KIAA0825: variants seen among roughly 807,000 people sequenced by gnomAD.
KIAA0825 encodes the protein uncharacterized protein KIAA0825.
In KIAA0825, 119 loss-of-function variants were observed where a neutral mutation model predicts 147.6. The observed-to-expected ratio is 0.81, with a 90% CI of 0.69 to 0.94. The LOEUF (loss-of-function observed/expected upper bound fraction) is 0.94. KIAA0825 is among the 40% of genes least tolerant of loss of function. KIAA0825 has a pLI of 0.00. For synonymous variants in KIAA0825, 470 were observed against 518.1 expected, an observed-to-expected ratio of 0.91 and a Z score of 1.26; for missense variants, 1,381 against 1,472.7, an observed-to-expected ratio of 0.94 and a Z score of 1.02.
chr5:94,166,834 T>A (rs986452332), intron 20 of KIAA0825, among the ~76,000 whole-genome samples: 4 of 152,052 alleles, frequency 2.6e-5, no homozygotes, highest in African/African-American at 9.7e-5. Context: ...GCAGTATAAC[T>A]TTTTTTGAGT....
intron 20 of KIAA0825, among the ~76,000 whole-genome samples, chr5:94,162,201 T>C (rs1353095105): frequency 6.6e-6 from 1 of 152,198 alleles, no homozygotes; most frequent in Non-Finnish European, 1.5e-5. Flanking sequence ...ATGATAAGGA[T>C]AGAGAAGGGT....
chr5:94,545,393 C>G (rs962190776), intron 2 of KIAA0825, among the ~76,000 whole-genome samples: 1 of 152,072 alleles, frequency 6.6e-6, no homozygotes, highest in African/African-American at 2.4e-5. Flanking sequence ...TAAGGGAGTG[C>G]TTGTGCCACC....
chr5:94,265,882 C>A (rs1428717227), intron 20 of KIAA0825, among the ~76,000 whole-genome samples: 1 of 152,042 alleles, frequency 6.6e-6, no homozygotes, highest in Non-Finnish European at 1.5e-5. Context: ...AAAACAAAAT[C>A]AATTTTATTG....
chr5:94,274,184 A>G (rs2150146467), intron 20 of KIAA0825, among the ~76,000 whole-genome samples: 1 of 152,270 alleles, frequency 6.6e-6, no homozygotes, highest in South Asian at 2.1e-4. Flanking sequence ...ACATTGGCAT[A>G]CATAACATAA....
At chr5:94,313,649 T>C (rs1373894261) in intron 20 of KIAA0825, among the ~76,000 whole-genome samples, 1 of 151,040 alleles carries the variant, frequency 6.6e-6, no homozygotes, top group Non-Finnish European at 1.5e-5. Context: ...GCTCTGTTCT[T>C]ATAAAGCAAT....
intron 4 of KIAA0825, among the ~76,000 whole-genome samples, chr5:94,521,981 C>T (rs1201354667): frequency 6.6e-6 from 1 of 151,706 alleles, no homozygotes; most frequent in Non-Finnish European, 1.5e-5. Context: ...CTCTCATTCA[C>T]TGTAAGCACT....
intron 4 of KIAA0825, 98 bp downstream of exon 4, chr5:94,523,832 A>C: frequency 1.3e-6 from 1 of 764,784 alleles, no homozygotes; most frequent in Non-Finnish European, 2.0e-6. Flanking sequence ...TGGCAGGCTA[A>C]TATGGTCACT....
chr5:94,600,418 C>T (rs1358637114), intron 1 of KIAA0825, among the ~76,000 whole-genome samples: 1 of 151,126 alleles, frequency 6.6e-6, no homozygotes, highest in East Asian at 1.9e-4. Flanking sequence ...TATTATATTC[C>T]TTATATTTCC....
Position 94,386,408 on chromosome 5 carries a change from CAAAGA to C in KIAA0825, c.3457-9_3457-5del, listed in dbSNP as rs1749146189. On this transcript the variant is annotated splice_polypyrimidine_tract_variant and splice_region_variant and intron_variant, in intron 18 of 20. Coordinates refer to ENST00000682413, the MANE Select transcript of KIAA0825 (RefSeq NM_001145678.3). ...ACAGCTGTTCTTTTAAATATTCCTT[CAAAGA>C]AAAGAAATTACAAGTTGTGACGGTG... The C allele has an allele frequency of 1.9e-6, 3 of 1,541,076 alleles. No homozygotes were observed. Among genetic ancestry groups the C allele is most frequent in the Non-Finnish European group, 2.6e-6 (3 of 1,143,226 alleles).
At chr5:94,490,798 A>G (rs796464470) in intron 5 of KIAA0825, among the ~76,000 whole-genome samples, 2 of 152,300 alleles carry the variant, frequency 1.3e-5, no homozygotes, top group African/African-American at 4.8e-5. Context: ...AAGGTGTTAA[A>G]TGTTAGTTAT....
intron 3 of KIAA0825, 115 bp downstream of exon 3, chr5:94,536,881 A>G (rs1398918151): frequency 6.0e-6 from 4 of 662,574 alleles, no homozygotes; most frequent in African/African-American, 1.9e-5. Context: ...TTTGGGGGAA[A>G]GTTAATGATA....
chr5:94,172,220 A>G (rs1429919640), intron 20 of KIAA0825, among the ~76,000 whole-genome samples: 3 of 152,214 alleles, frequency 2.0e-5, no homozygotes, highest in Non-Finnish European at 2.9e-5. Flanking sequence ...TCACTGGTCA[A>G]TCTTGGACTT....
In KIAA0825 at chr5:94,452,969, A is replaced by C; in HGVS notation, c.2347T>G (p.Ser783Ala). 6.7e-7 allele frequency: 1 copy of C among 1,492,938 alleles called. No homozygotes were observed. The highest frequency in any genetic ancestry group is 1.4e-5 in the African/African-American group (1 of 69,834). 92.5% of individuals were successfully genotyped at this position (1,492,938 alleles called of 1,614,324 possible). A position where few individuals can be genotyped will look rare whatever the true frequency, so the allele number is the denominator to read the frequency against. The change falls in exon 13 of 21, where the codon TCT (serine) becomes GCT (alanine). Residue 783 changes from serine (S) to alanine (A), a missense_variant. Physicochemically the swap from Ser to Ala is moderately conservative, Grantham distance 99 (BLOSUM62 1). Coordinates refer to ENST00000682413, the MANE Select transcript of KIAA0825 (RefSeq NM_001145678.3). ...WVSCISHFYP[S>A]LLRTPSAGGL... ...TTTAGAGGCTCTCACCTGAGTAAAG[A>C]AGGGTAGAAATGTGATATGCAAGAA...
chr5:94,480,225 C>A (rs567046778), intron 6 of KIAA0825, among the ~76,000 whole-genome samples: 3 of 151,970 alleles, frequency 2.0e-5, no homozygotes, highest in African/African-American at 7.2e-5. Context: ...AATTATGATA[C>A]ATGCACCAAT....
chr5:94,156,492 C>T (rs1247797808), intron 20 of KIAA0825, among the ~76,000 whole-genome samples: 4 of 152,104 alleles, frequency 2.6e-5, no homozygotes, highest in South Asian at 2.1e-4. Flanking sequence ...GAATAAAGTA[C>T]GTGATATGCA....
intron 1 of KIAA0825, among the ~76,000 whole-genome samples, chr5:94,606,205 G>A (rs926959863): frequency 2.0e-5 from 3 of 152,202 alleles, no homozygotes; most frequent in South Asian, 2.1e-4. Flanking sequence ...CCAAGGAGGT[G>A]AAAGATCTCT....
At chr5:94,340,989 G>T (rs143544674) in intron 20 of KIAA0825, among the ~76,000 whole-genome samples, 1 of 152,064 alleles carries the variant, frequency 6.6e-6, no homozygotes, top group Non-Finnish European at 1.5e-5. Flanking sequence ...ATAAATCCAC[G>T]GATGGGTCCC....
chr5:94,211,975 T>A (rs1772751620), intron 20 of KIAA0825, among the ~76,000 whole-genome samples: 1 of 152,212 alleles, frequency 6.6e-6, no homozygotes. Flanking sequence ...TTATCTGATA[T>A]ATATGAATAC....
At chr5:94,436,962 T>A (rs995804279) in intron 14 of KIAA0825, among the ~76,000 whole-genome samples, 1 of 152,176 alleles carries the variant, frequency 6.6e-6, no homozygotes, top group African/African-American at 2.4e-5. Context: ...TTTTACACAT[T>A]GATTTTGTAT....
Sources: allele counts gnomAD v4.1 joint callset (sites outside exome capture counted in the v4.1 genomes callset), GRCh38; gene constraint gnomAD v4.1.1; transcripts MANE v1.5; gene names NCBI Gene and HGNC (gene_info 2026-07-23, HGNC 2026-07-21).